Variants in NPEPPS observed in about 807,000 individuals in gnomAD.
NPEPPS encodes aminopeptidase puromycin sensitive.
A neutral mutation model predicts 115.5 loss-of-function variants in NPEPPS; 14 were observed. That is an observed-to-expected ratio of 0.12 (90% confidence interval 0.08 to 0.19). The LOEUF is 0.19. Ranked by LOEUF, NPEPPS falls within the 10% of genes least tolerant of loss-of-function variation. NPEPPS has a pLI of 1.00. For missense variants in NPEPPS, 523 were observed against 1,110.8 expected, an observed-to-expected ratio of 0.47 and a Z score of 7.52; for synonymous variants, 285 against 390.6, an observed-to-expected ratio of 0.73 and a Z score of 3.19.
rs971105596 is a variant in NPEPPS at position 47,604,130 on chromosome 17, T to G, written c.1875+81T>G. 13 of 1,404,118 alleles carry G rather than the reference T, an allele frequency of 9.3e-6. No homozygotes were observed. The African/African-American group carries it at 1.4e-4, about 15-fold the overall frequency. The allele number at this position is 1,404,118 out of a possible 1,614,324, so 87.0% of individuals were successfully genotyped here. A position where few individuals can be genotyped will look rare whatever the true frequency, so the allele number is the denominator to read the frequency against. On this transcript the variant is annotated intron_variant, in intron 16 of 22. Transcript: ENST00000322157. ...TTTTCCTGGAGTGTCTGAAACATAA[T>G]TAGAAGAATATGGGTCTTCATGATG...
At chr17:47,526,667 GGA>G (rs1907443553), upstream of NPEPPS, among the ~76,000 whole-genome samples, 1 of 152,020 alleles carries the variant, frequency 6.6e-6, no homozygotes. Context: ...AAATACAACT[GGA>G]GAGTTAGGGC....
At chr17:47,546,577 C>T (rs199980605) in intron 2 of NPEPPS, among the ~76,000 whole-genome samples, 1 of 152,034 alleles carries the variant, frequency 6.6e-6, no homozygotes, top group East Asian at 1.9e-4. Context: ...CTTGCTCTGA[C>T]ACCCAGGCTG....
chr17:47,610,374 T>C (rs1174928613), intron 17 of NPEPPS, among the ~76,000 whole-genome samples: 7 of 151,904 alleles, frequency 4.6e-5, no homozygotes, highest in Non-Finnish European at 5.9e-5. Flanking sequence ...CATGTATCAG[T>C]CTTTCATTCC....
chr17:47,619,201 ATAT>A, intron 21 of NPEPPS, 37 bp downstream of exon 21: 1 of 1,564,894 alleles, frequency 6.4e-7, no homozygotes, highest in African/African-American at 1.3e-5. Context: ...CTAATCATGG[ATAT>A]TATTTAGTGA....
At chr17:47,570,380 C>T (rs1911121769) in intron 3 of NPEPPS, among the ~76,000 whole-genome samples, 1 of 152,186 alleles carries the variant, frequency 6.6e-6, no homozygotes, top group Admixed American at 6.5e-5. Flanking sequence ...CGAGATCGTG[C>T]CACTGCACTC....
intron 1 of NPEPPS, among the ~76,000 whole-genome samples, chr17:47,538,576 C>T (rs1368417275): frequency 2.2e-5 from 3 of 139,486 alleles, no homozygotes; most frequent in Non-Finnish European, 4.5e-5. Context: ...GTCGCCAAGG[C>T]CGGAGTGCAG....
chr17:47,609,731 C>T (rs951122130), intron 17 of NPEPPS, among the ~76,000 whole-genome samples: 4 of 152,180 alleles, frequency 2.6e-5, no homozygotes, highest in Admixed American at 6.5e-5. Context: ...CCTCCCGTGC[C>T]TACCCCACAC....
chr17:47,535,418 G>A (rs1200817140), intron 1 of NPEPPS, among the ~76,000 whole-genome samples: 2 of 151,318 alleles, frequency 1.3e-5, no homozygotes, highest in Non-Finnish European at 2.9e-5. Context: ...GGGCGTGGTG[G>A]CGGGTGCCTG....
chr17:47,536,042 T>C (rs994010437), intron 1 of NPEPPS, among the ~76,000 whole-genome samples: 3 of 152,068 alleles, frequency 2.0e-5, no homozygotes, highest in Non-Finnish European at 2.9e-5. Flanking sequence ...TTTCACCATA[T>C]TGGCCAGGAT....
At chr17:47,587,196 T>C (rs1289719836) in intron 8 of NPEPPS, 34 bp from the exon 9 acceptor site, 5 of 1,525,998 alleles carry the variant, frequency 3.3e-6, no homozygotes, top group Non-Finnish European at 4.4e-6. Context: ...TTTTATTGTT[T>C]AAATTTGTTT....
At chr17:47,613,193 G>A (rs1913983608) in intron 18 of NPEPPS, among the ~76,000 whole-genome samples, 1 of 151,454 alleles carries the variant, frequency 6.6e-6, no homozygotes, top group Non-Finnish European at 1.5e-5. Flanking sequence ...TTACCTTTGT[G>A]GTTGCTCACA....
chr17:47,594,346 C>T (rs149966171), intron 12 of NPEPPS, among the ~76,000 whole-genome samples: 3,719 of 151,852 alleles, frequency 0.024, 61 homozygotes, highest in Non-Finnish European at 0.04. Flanking sequence ...AATAAATTAA[C>T]CTTAGCTTAC....
At chr17:47,533,468 A>G (rs1434248146) in intron 1 of NPEPPS, among the ~76,000 whole-genome samples, 1 of 152,000 alleles carries the variant, frequency 6.6e-6, no homozygotes, top group Non-Finnish European at 1.5e-5. Context: ...AAGAGAACCT[A>G]GTGATGAATG....
At chr17:47,566,946 G>A (rs113557172) in intron 2 of NPEPPS, among the ~76,000 whole-genome samples, 4 of 152,022 alleles carry the variant, frequency 2.6e-5, no homozygotes, top group African/African-American at 7.2e-5. Flanking sequence ...GCCTAGTGGC[G>A]CCTCATGCCT....
At chr17:47,578,966 G>A (rs537289587) in intron 3 of NPEPPS, among the ~76,000 whole-genome samples, 3 of 152,280 alleles carry the variant, frequency 2.0e-5, no homozygotes, top group Admixed American at 6.5e-5. Flanking sequence ...CACTGGACAA[G>A]TTATTTAGCT....
rs2143693912 is a variant in NPEPPS, at chr17:47,541,326, T to C, written c.256-4583T>C. Among the ~76,000 whole-genome samples, 2 of 152,152 alleles carry C rather than the reference T, an allele frequency of 1.3e-5. 1 individual carries two copies. The highest frequency in any genetic ancestry group is 3.8e-4 in the East Asian group (2 of 5,200). ...TCAAACTCAGAAAGGTTTTTATTCA[T>C]TTCACCCATTGGAGCATACCCCAGT... is the stretch of plus-strand genomic sequence containing the variant. On this transcript the variant is annotated intron_variant, in intron 1 of 22. Coordinates refer to ENST00000322157, the MANE Select transcript of NPEPPS (RefSeq NM_006310.4).
intron 1 of NPEPPS, among the ~76,000 whole-genome samples, chr17:47,542,721 G>T (rs1908856138): frequency 6.6e-6 from 1 of 152,098 alleles, no homozygotes; most frequent in African/African-American, 2.4e-5. Context: ...ATTTCTTTGT[G>T]ATTTAGGGCA....
intron 17 of NPEPPS, among the ~76,000 whole-genome samples, chr17:47,608,605 C>A (rs1165663916): frequency 6.6e-6 from 1 of 152,038 alleles, no homozygotes; most frequent in East Asian, 1.9e-4. Flanking sequence ...AGACTCATGT[C>A]TTTAAAAAAC....
At chr17:47,586,323 T>G in intron 7 of NPEPPS, 42 bp from the exon 8 acceptor site, 1 of 1,239,528 alleles carries the variant, frequency 8.1e-7, no homozygotes, top group East Asian at 2.7e-5. Flanking sequence ...AGTATATATA[T>G]ATATATATAT....
Sources: allele counts gnomAD v4.1 joint callset (sites outside exome capture counted in the v4.1 genomes callset), GRCh38; gene constraint gnomAD v4.1.1; transcripts MANE v1.5; gene names NCBI Gene and HGNC (gene_info 2026-07-23, HGNC 2026-07-21).